Variants in MOV10L1 observed in about 807,000 individuals in gnomAD.
MOV10L1 encodes Mov10 like RNA helicase 1, also known as RNA helicase Mov10l1.
A neutral mutation model predicts 143.8 loss-of-function variants in MOV10L1; 110 were observed. That is an observed-to-expected ratio of 0.76 (90% CI 0.66 to 0.90). MOV10L1 has a LOEUF of 0.90. Among genes scored for constraint, MOV10L1 ranks in the 40% least tolerant of loss-of-function variants. The pLI, the probability that MOV10L1 is intolerant of heterozygous loss-of-function variation, is 0.00. For missense variants in MOV10L1, 1,406 were observed against 1,526.8 expected (o/e 0.92, Z 1.32); for synonymous variants, 593 against 581.1 (o/e 1.02, Z -0.29).
At chr22:50,104,181 C>T (rs893171174) in intron 3 of MOV10L1, among the ~76,000 whole-genome samples, 1 of 152,188 alleles carries the variant, frequency 6.6e-6, no homozygotes, top group Admixed American at 6.5e-5. Context: ...TAGGAGGTGG[C>T]GCTCAGGCTG....
At chr22:50,148,873 C>A (rs537512268) in intron 19 of MOV10L1, among the ~76,000 whole-genome samples, 5 of 152,222 alleles carry the variant, frequency 3.3e-5, no homozygotes, top group Admixed American at 6.5e-5. Flanking sequence ...ACCGTGTTAG[C>A]CAGGATGGTC....
intron 8 of MOV10L1, among the ~76,000 whole-genome samples, chr22:50,116,700 C>T (rs539049192): frequency 7.9e-6 from 1 of 125,934 alleles, no homozygotes; most frequent in African/African-American, 3.0e-5. Flanking sequence ...GGGTCTCACT[C>T]TGTTGCCCAG....
rs546088416 is a variant in MOV10L1 at position 50,090,280 on chromosome 22, C to A, written c.97+95C>A. On this transcript the variant is annotated intron_variant, in intron 1 of 26. Coordinates refer to ENST00000262794, the MANE Select transcript of MOV10L1 (RefSeq NM_018995.3). Reference sequence around the variant, plus strand: ...CATAGGTCTTTGAGTGCAGTGCGGGCCGGCAGGCAACGCTGGGCCCGGCCT... The same window carrying A: ...CATAGGTCTTTGAGTGCAGTGCGGGACGGCAGGCAACGCTGGGCCCGGCCT... 1.6e-4 allele frequency: 226 copies of A among 1,446,242 alleles called. No individual in the cohort carries two copies. In the African/African-American group the frequency reaches 3.0e-3, roughly 19 times the overall value. 89.6% of individuals were successfully genotyped at this position (1,446,242 alleles called of 1,614,324 possible).
intron 18 of MOV10L1, among the ~76,000 whole-genome samples, chr22:50,144,866 C>T (rs1447726188): frequency 6.6e-6 from 1 of 152,174 alleles, no homozygotes; most frequent in Non-Finnish European, 1.5e-5. Context: ...CAGGCGTGAG[C>T]CACCGTGCCC....
intron 10 of MOV10L1, among the ~76,000 whole-genome samples, chr22:50,124,768 T>G (rs563726564): frequency 7.2e-5 from 11 of 152,254 alleles, no homozygotes; most frequent in African/African-American, 2.6e-4. Flanking sequence ...TTCCCAGCGC[T>G]CAGCCCCACA....
intron 15 of MOV10L1, among the ~76,000 whole-genome samples, chr22:50,140,225 T>G (rs1277289526): frequency 1.3e-5 from 2 of 152,206 alleles, no homozygotes; most frequent in Non-Finnish European, 2.9e-5. Context: ...ATATGAAGTA[T>G]GAAGTTCGAG....
intron 26 of MOV10L1, 137 bp from the exon 27 acceptor site, chr22:50,161,231 G>C: frequency 2.0e-6 from 2 of 992,306 alleles, no homozygotes; most frequent in Non-Finnish European, 3.0e-6. Flanking sequence ...GGACATTTGG[G>C]GTCATGTCAC....
In MOV10L1 at chr22:50,090,078, G is replaced by C; in HGVS notation, c.-11G>C. On this transcript the variant is annotated 5_prime_UTR_variant, in exon 1 of 27. Coordinates refer to ENST00000262794, the MANE Select transcript of MOV10L1 (RefSeq NM_018995.3). ...AGCGGCGGTGACGGCAGCCTAGGCCGGGCGAGGGCCATGCTGAGCCTCGCA... is the reference window on the plus strand; with the variant it reads ...AGCGGCGGTGACGGCAGCCTAGGCCCGGCGAGGGCCATGCTGAGCCTCGCA... 7.9e-7 allele frequency: 1 copy of C among 1,272,776 alleles called. No individual in the cohort carries two copies. 78.8% of individuals were successfully genotyped at this position (1,272,776 alleles called of 1,614,324 possible).
intron 8 of MOV10L1, 122 bp downstream of exon 8, chr22:50,115,368 C>T (rs1345772055): frequency 2.6e-6 from 3 of 1,161,572 alleles, no homozygotes; most frequent in Non-Finnish European, 3.4e-6. Flanking sequence ...AGTTCGAAAC[C>T]AGCCTGGCCA....
chr22:50,134,010 C>T lies in MOV10L1; in HGVS notation c.1914C>T (p.Thr638=). The T allele has an allele frequency of 1.9e-6, 3 of 1,610,990 alleles. No homozygotes were observed. The highest frequency in any genetic ancestry group is 2.5e-6 in the Non-Finnish European group (3 of 1,179,248). ...TATGTGGTTTTCTTTCCTGCAGGACCACAAGCAGACGGTGTCACTTTGCAC... is the reference window on the plus strand; with the variant it reads ...TATGTGGTTTTCTTTCCTGCAGGACTACAAGCAGACGGTGTCACTTTGCAC... ...PMDVEFTYNR[T]TSRRCHFALE... is the part of the protein sequence containing the mutation. Residue 638 remains threonine (T), a synonymous_variant, in exon 14 of 27, where the codon ACC becomes ACT. Transcript: ENST00000262794.
At position 50,144,214 on chromosome 22, in the gene MOV10L1, C is replaced by T. The variant is rs142752424; in HGVS notation, c.2476C>T (p.Arg826Trp). 2.1e-5 allele frequency: 33 copies of T among 1,608,784 alleles called. No homozygotes were observed. The highest frequency in any genetic ancestry group is 6.7e-5 in the East Asian group (3 of 44,742). The change falls in exon 18 of 27, where the codon CGG becomes TGG. Residue 826 changes from arginine (R) to tryptophan (W), a missense_variant. By Grantham distance (101) the Arg-to-Trp change is moderately radical. Coordinates refer to ENST00000262794, the MANE Select transcript of MOV10L1 (RefSeq NM_018995.3). ...SKVLQPATMV[R>W]VNATCRFEEI... ...GGTGCTACAGCCGGCCACCATGGTC[C>T]GGGTGAACGCCACCTGCAGGTTCGA...
intron 17 of MOV10L1, among the ~76,000 whole-genome samples, chr22:50,143,644 A>T (rs1427959967): frequency 6.6e-6 from 1 of 152,218 alleles, no homozygotes; most frequent in Non-Finnish European, 1.5e-5. Context: ...AGCCTGTTTC[A>T]GGTTCATCAA....
At chr22:50,135,524 G>A (rs1036648223) in intron 15 of MOV10L1, among the ~76,000 whole-genome samples, 6 of 151,772 alleles carry the variant, frequency 4.0e-5, no homozygotes, top group Middle Eastern at 3.4e-3. Context: ...AGGCCGAGGC[G>A]GGCAGATCAT....
chr22:50,117,697 A>G (rs1157868124), intron 9 of MOV10L1, among the ~76,000 whole-genome samples: 1 of 152,176 alleles, frequency 6.6e-6, no homozygotes, highest in Non-Finnish European at 1.5e-5. Context: ...TGACGAGGCC[A>G]TGGTGTGTAG....
rs751504885 is a variant in MOV10L1, at chr22:50,159,822, G to A, written c.3324+37G>A. 15 of 1,405,016 alleles carry A rather than the reference G, an allele frequency of 1.1e-5. No homozygotes were observed. Among genetic ancestry groups the A allele is most frequent in the Non-Finnish European group, 1.5e-5 (15 of 995,024 alleles). The allele number at this position is 1,405,016 out of a possible 1,614,324, so 87.0% of individuals were successfully genotyped here. On this transcript the variant is annotated intron_variant, in intron 24 of 26. Transcript: ENST00000262794. The surrounding 1 kb of genome is among the most constrained non-coding windows in gnomAD (Gnocchi z 4.1). Reference sequence around the variant, plus strand: ...TGTTCTCCGTGGGGATGGACAGTCAGGTGCTTGCTGCCCTGGGGGTTCTGG... The same window carrying A: ...TGTTCTCCGTGGGGATGGACAGTCAAGTGCTTGCTGCCCTGGGGGTTCTGG...
chr22:50,149,922 C>T (rs543350976), intron 20 of MOV10L1, among the ~76,000 whole-genome samples: 5 of 152,158 alleles, frequency 3.3e-5, no homozygotes, highest in Non-Finnish European at 7.3e-5. Flanking sequence ...ACTTGTAAAA[C>T]GGAGGTAAGA....
intron 2 of MOV10L1, among the ~76,000 whole-genome samples, 193 bp downstream of exon 2, chr22:50,092,378 C>G (rs1792032906): frequency 6.6e-6 from 1 of 152,168 alleles, no homozygotes; most frequent in African/African-American, 2.4e-5. Flanking sequence ...CGCCTGTAAT[C>G]CCAGCACTTT....
intron 2 of MOV10L1, 88 bp downstream of exon 2, chr22:50,092,273 C>T: frequency 1.6e-6 from 2 of 1,222,914 alleles, no homozygotes; most frequent in Non-Finnish European, 2.3e-6. Context: ...CAGACATGAC[C>T]CGGCCAAGGG....
intron 22 of MOV10L1, among the ~76,000 whole-genome samples, chr22:50,156,855 T>A (rs1030707902): frequency 2.6e-5 from 4 of 152,242 alleles, no homozygotes; most frequent in Non-Finnish European, 5.9e-5. Context: ...TTTGAGACCC[T>A]GCTTTCAGTC....
Sources: allele counts gnomAD v4.1 joint callset (sites outside exome capture counted in the v4.1 genomes callset), GRCh38; gene constraint gnomAD v4.1.1; non-coding constraint Gnocchi (gnomAD v3.1); transcripts MANE v1.5; gene names NCBI Gene and HGNC (gene_info 2026-07-23, HGNC 2026-07-21).